The following DLC1 variants were observed in gnomAD, a reference collection of about 807,000 sequenced individuals.
DLC1 encodes rho GTPase-activating protein 7.
Under a neutral mutation model 140.3 loss-of-function variants are expected in DLC1, and 54 were observed. The observed-to-expected ratio is 0.38, with a 90% CI of 0.31 to 0.48. The LOEUF is 0.48. Ranked by LOEUF, DLC1 falls within the 20% of genes least tolerant of loss-of-function variation. The pLI is 0.96. For missense variants in DLC1, 2,536 were observed against 1,907.0 expected, an observed-to-expected ratio of 1.33 and a Z score of -6.14; for synonymous variants, 986 against 728.1, an observed-to-expected ratio of 1.35 and a Z score of -5.70.
intron 5 of DLC1, among the ~76,000 whole-genome samples, chr8:13,262,962 A>C (rs981361063): frequency 6.6e-6 from 1 of 152,230 alleles, no homozygotes; most frequent in Non-Finnish European, 1.5e-5. Context: ...ATTCTAAGAC[A>C]TGATGGTTTG....
At chr8:13,488,519 A>G (rs1025182551) in intron 2 of DLC1, among the ~76,000 whole-genome samples, 1 of 152,196 alleles carries the variant, frequency 6.6e-6, no homozygotes, top group Non-Finnish European at 1.5e-5. Flanking sequence ...AAAACAGAAC[A>G]GTTAAAATGC....
At chr8:13,450,475 A>AAAAT (rs1798989484) in intron 2 of DLC1, among the ~76,000 whole-genome samples, 1 of 149,360 alleles carries the variant, frequency 6.7e-6, no homozygotes, top group Non-Finnish European at 1.5e-5. Flanking sequence ...AAAAAAAAAA[A>AAAAT]GGCCGAAGAG....
chr8:13,400,341 G>C (rs1351803563), intron 3 of DLC1, among the ~76,000 whole-genome samples: 1 of 152,056 alleles, frequency 6.6e-6, no homozygotes, highest in Non-Finnish European at 1.5e-5. Flanking sequence ...CCATTAGTTA[G>C]GAAATAACAT....
intron 2 of DLC1, among the ~76,000 whole-genome samples, chr8:13,406,677 A>C (rs1423446382): frequency 6.6e-6 from 1 of 152,180 alleles, no homozygotes. Flanking sequence ...ATATGATATA[A>C]TTCTGTCAAT....
chr8:13,223,251 T>C (rs1429786076), intron 5 of DLC1, among the ~76,000 whole-genome samples: 2 of 151,978 alleles, frequency 1.3e-5, no homozygotes, highest in Non-Finnish European at 2.9e-5. Context: ...TCAATAAAAA[T>C]TTTTCCTGTG....
chr8:13,457,561 G>A (rs28655169), intron 2 of DLC1, among the ~76,000 whole-genome samples: 240 of 150,750 alleles, frequency 1.6e-3, no homozygotes, highest in Non-Finnish European at 2.7e-3. Context: ...CCTGTAGCCC[G>A]AGCTACTCGG....
rs1237684969 is a variant in DLC1, at chr8:13,102,803, G to A, written c.1553C>T (p.Pro518Leu). ...TTGTATACTCACTCGTTTCCGATGA[G>A]GACTAATTTCTAGCTTCATCACCGC... ...KCAVMKLEIS[P>L]HRKRSDDSDE... The change falls in exon 8 of 18, where the codon CCT becomes CTT. Residue 518 changes from proline to leucine, a missense_variant. Coordinates refer to ENST00000276297, the MANE Select transcript of DLC1 (RefSeq NM_182643.3). The A allele has an allele frequency of 6.2e-7, 1 of 1,613,908 alleles. No individual in the cohort carries two copies. The highest frequency in any genetic ancestry group is 1.1e-5 in the South Asian group (1 of 91,040).
At chr8:13,145,087 A>C (rs1185079997) in intron 5 of DLC1, among the ~76,000 whole-genome samples, 5 of 152,206 alleles carry the variant, frequency 3.3e-5, no homozygotes, top group Admixed American at 6.5e-5. Flanking sequence ...AGTACTAAAT[A>C]TCTCATGAAC....
chr8:13,494,163 A>G (rs1801390944), intron 2 of DLC1, among the ~76,000 whole-genome samples: 1 of 152,212 alleles, frequency 6.6e-6, no homozygotes, highest in South Asian at 2.1e-4. Context: ...ACCACAGAAC[A>G]TATATGCAGC....
chr8:13,135,116 G>A (rs939439589), intron 5 of DLC1, among the ~76,000 whole-genome samples: 3 of 152,106 alleles, frequency 2.0e-5, no homozygotes, highest in African/African-American at 4.8e-5. Context: ...TGATTCAACG[G>A]GAGGCCAGGA....
chr8:13,557,528 GT>G (rs1804091158), intron 1 of DLC1: 1 of 152,256 alleles, frequency 6.6e-6, no homozygotes, highest in Non-Finnish European at 1.5e-5. Flanking sequence ...CCAGGTGGAC[GT>G]GATTGGATCA....
intron 3 of DLC1, among the ~76,000 whole-genome samples, chr8:13,394,560 G>A (rs73553404): frequency 2.1e-3 from 315 of 152,122 alleles, no homozygotes; most frequent in African/African-American, 7.4e-3. Context: ...AGGTGGGAGG[G>A]GGAAATTGCA....
At chr8:13,506,599 A>ACACG (rs1802090729) in intron 1 of DLC1, among the ~76,000 whole-genome samples, 1 of 143,000 alleles carries the variant, frequency 7.0e-6, no homozygotes, top group Admixed American at 7.0e-5. Context: ...ATATATATAT[A>ACACG]TATATATATA....
chr8:13,245,157 G>C (rs1829709752), intron 5 of DLC1, among the ~76,000 whole-genome samples: 2 of 152,196 alleles, frequency 1.3e-5, no homozygotes, highest in African/African-American at 4.8e-5. Flanking sequence ...TAAGAGGTCT[G>C]ACTGCCCTGA....
intron 1 of DLC1, chr8:13,559,094 AG>A (rs1156285163): frequency 6.6e-6 from 1 of 152,262 alleles, no homozygotes; most frequent in African/African-American, 2.4e-5. Context: ...CCAGAACAAA[AG>A]CTCACATTGT....
chr8:13,573,960 G>T (rs375090690), intron 1 of DLC1, among the ~76,000 whole-genome samples: 1 of 152,064 alleles, frequency 6.6e-6, no homozygotes, highest in African/African-American at 2.4e-5. Context: ...CATATCCTTG[G>T]TGTTTAGCAC....
intron 4 of DLC1, among the ~76,000 whole-genome samples, chr8:13,367,423 A>G (rs1321305769): frequency 6.6e-6 from 1 of 152,160 alleles, no homozygotes; most frequent in Non-Finnish European, 1.5e-5. Context: ...GTTAGCTTGC[A>G]TATCTCAATC....
rs77161996 is a variant in DLC1, at chr8:13,524,108, T to TTTATTA, written c.-125-23918_-125-23913dup. Among the ~76,000 whole-genome samples, 232 of 138,708 alleles carry TTTATTA rather than the reference T, an allele frequency of 1.7e-3. 2 individuals carry two copies. Among genetic ancestry groups the TTTATTA allele is most frequent in the Middle Eastern group, 3.7e-3 (1 of 268 alleles). The allele number at this position is 138,708 out of a possible 152,430, so 91.0% of individuals were successfully genotyped here. A position where few individuals can be genotyped will look rare whatever the true frequency, so the allele number is the denominator to read the frequency against. On this transcript the variant is annotated intron_variant, in intron 1 of 1. Coordinates refer to the DLC1 transcript ENST00000631382. ...ACCATCACAGTTGTTATCTATTCTA[T>TTTATTA]TTATTATTATTATTATTATTATTAT...
intron 1 of DLC1, among the ~76,000 whole-genome samples, chr8:13,589,475 A>C (rs1805444433): frequency 6.6e-6 from 1 of 152,064 alleles, no homozygotes; most frequent in Non-Finnish European, 1.5e-5. Flanking sequence ...TGAAAGTGAC[A>C]TTCAGGGGAA....
Sources: allele counts gnomAD v4.1 joint callset (sites outside exome capture counted in the v4.1 genomes callset), GRCh38; gene constraint gnomAD v4.1.1; transcripts MANE v1.5; gene names NCBI Gene and HGNC (gene_info 2026-07-23, HGNC 2026-07-21).